SLC35B3: variants seen among roughly 807,000 people sequenced by gnomAD.
SLC35B3 encodes adenosine 3'-phospho 5'-phosphosulfate transporter 2.
Under a neutral mutation model 44.1 loss-of-function variants are expected in SLC35B3, and 35 were observed. That is an observed-to-expected ratio of 0.79 (90% confidence interval 0.61 to 1.05). The LOEUF (loss-of-function observed/expected upper bound fraction) is 1.05. Ranked by LOEUF, SLC35B3 falls within the 50% of genes least tolerant of loss-of-function variation. SLC35B3 has a pLI of 0.00. For synonymous variants in SLC35B3, 146 were observed against 167.3 expected (o/e 0.87, Z 0.98); for missense variants, 414 against 476.4 (o/e 0.87, Z 1.22).
rs945853084 is a variant in SLC35B3 at position 8,435,531 on chromosome 6, C to G, written c.-232G>C. 2.1e-6 allele frequency: 1 copy of G among 479,492 alleles called. No individual in the cohort carries two copies. Among genetic ancestry groups the G allele is most frequent in the Admixed American group, 3.3e-5 (1 of 30,548 alleles). 29.7% of individuals were successfully genotyped at this position (479,492 alleles called of 1,614,324 possible). A position where few individuals can be genotyped will look rare whatever the true frequency, so the allele number is the denominator to read the frequency against. Reference sequence around the variant, plus strand: ...ACTCTCAACTCCGGCGCCCGCAGGCCACTTCCGCCTATGTGTCCCTGCGCG... The same window carrying G: ...ACTCTCAACTCCGGCGCCCGCAGGCGACTTCCGCCTATGTGTCCCTGCGCG... On this transcript the variant is annotated 5_prime_UTR_variant, in exon 1 of 11. Coordinates refer to ENST00000644923, the MANE Select transcript of SLC35B3 (RefSeq NM_001370476.2). The surrounding 1 kb of genome is among the most constrained non-coding windows in gnomAD (Gnocchi z 5.5).
At chr6:8,417,775 T>A (rs1474854264) in intron 7 of SLC35B3, among the ~76,000 whole-genome samples, 1 of 140,414 alleles carries the variant, frequency 7.1e-6, no homozygotes, top group Non-Finnish European at 1.5e-5. Flanking sequence ...ATCAACCAGA[T>A]TTTCATATTA....
intron 7 of SLC35B3, 105 bp from the exon 7 acceptor site, chr6:8,417,599 T>C (rs1762533880): frequency 1.7e-6 from 1 of 587,672 alleles, no homozygotes; most frequent in Non-Finnish European, 2.9e-6. Flanking sequence ...ACAAACATTT[T>C]AAAAGAAACA....
At chr6:8,418,914 A>T (rs951311591) in intron 7 of SLC35B3, 1 of 183,662 alleles carries the variant, frequency 5.4e-6, no homozygotes, top group African/African-American at 2.4e-5. Flanking sequence ...AATGGTAGCT[A>T]GTCCTAACAG....
intron 10 of SLC35B3, among the ~76,000 whole-genome samples, chr6:8,414,108 T>C (rs3823108): frequency 0.071 from 10,847 of 152,072 alleles, 415 homozygotes; most frequent in Middle Eastern, 0.11. Flanking sequence ...TATAAAGGAA[T>C]AAAAAGAGAA....
chr6:8,429,949 T>C lies in SLC35B3; in HGVS notation c.212A>G (p.Asn71Ser). ...AGTAAGTTTGTTAAACTTGCTGAGA[T>C]TCATGCCAAGTACCACAACGTCGTC... The change falls in exon 3 of 11, where the codon AAT becomes AGT. Residue 71 changes from asparagine to serine, a missense_variant. Asn to Ser is a conservative substitution (Grantham distance 46). Coordinates refer to ENST00000644923, the MANE Select transcript of SLC35B3 (RefSeq NM_001370476.2). The C allele has an allele frequency of 1.2e-6, 2 of 1,612,162 alleles. No homozygotes were observed. The highest frequency in any genetic ancestry group is 1.3e-5 in the African/African-American group (1 of 74,968).
At chr6:8,414,398 C>T (rs1190787840) in intron 10 of SLC35B3, among the ~76,000 whole-genome samples, 2 of 152,092 alleles carry the variant, frequency 1.3e-5, no homozygotes, top group Non-Finnish European at 2.9e-5. Context: ...CTTTCACACA[C>T]ACAAAAAATA....
In SLC35B3 at chr6:8,432,616, C is replaced by T. The variant is rs1384935376; in HGVS notation, c.3+1769G>A. Among the ~76,000 whole-genome samples, 1 of 152,096 alleles carries T rather than the reference C, an allele frequency of 6.6e-6. No homozygotes were observed. Among genetic ancestry groups the T allele is most frequent in the Non-Finnish European group, 1.5e-5 (1 of 68,024 alleles). ...GAGGAGCCTTGGGCAAATCGTTTAACTTTTCTGAGCTTTAGGTTCTGCACC... is the reference window on the plus strand; with the variant it reads ...GAGGAGCCTTGGGCAAATCGTTTAATTTTTCTGAGCTTTAGGTTCTGCACC... On this transcript the variant is annotated intron_variant, in intron 2 of 10. Coordinates refer to ENST00000644923, the MANE Select transcript of SLC35B3 (RefSeq NM_001370476.2). This position sits in a 1 kb window ranked among gnomAD's most constrained non-coding sequence, Gnocchi z 4.8.
rs543154051 is a variant in SLC35B3 at position 8,422,835 on chromosome 6, T to A, written c.420-211A>T. ...TAACAATTTACCTTTATTTAGTCAA[T>A]CATAAACGAGGCCACTCAATTATGT... On this transcript the variant is annotated intron_variant, in intron 4 of 10. Coordinates refer to ENST00000644923, the MANE Select transcript of SLC35B3 (RefSeq NM_001370476.2). 1.5e-4 allele frequency among the ~76,000 whole-genome samples: 23 copies of A among 152,122 alleles called. No homozygotes were observed. In the East Asian group the frequency reaches 3.9e-3, roughly 25 times the overall value.
rs769345087 is a variant in SLC35B3, at chr6:8,416,884, C to A, written c.985G>T (p.Val329Leu). 2 of 1,480,498 alleles carry A rather than the reference C, an allele frequency of 1.4e-6. No homozygotes were observed. Among genetic ancestry groups the A allele is most frequent in the Non-Finnish European group, 1.9e-6 (2 of 1,076,614 alleles). 91.7% of individuals were successfully genotyped at this position (1,480,498 alleles called of 1,614,324 possible). The change falls in exon 9 of 11, where the codon GTG (valine) becomes TTG (leucine). Residue 329 changes from valine (V) to leucine (L), a missense_variant and splice_region_variant. Transcript: ENST00000644923. The stretch of plus-strand genomic sequence containing the variant: ...ATCAAAGCAAGTAAATCCCTCCTAC[C>A]TGTTACAGCAATAAGTGCACCAAAA...
intron 4 of SLC35B3, among the ~76,000 whole-genome samples, chr6:8,425,569 C>G (rs985872084): frequency 6.6e-6 from 1 of 151,550 alleles, no homozygotes; most frequent in Non-Finnish European, 1.5e-5. Context: ...AATTTATTGG[C>G]AATAAAGACA....
chr6:8,423,760 G>A (rs527370267), intron 4 of SLC35B3, among the ~76,000 whole-genome samples: 37 of 152,218 alleles, frequency 2.4e-4, no homozygotes, highest in Non-Finnish European at 4.6e-4. Flanking sequence ...ATTTACATTC[G>A]ATTCTGAGGG....
In SLC35B3 at chr6:8,429,900, T is replaced by G. The variant is rs149595280; in HGVS notation, c.261A>C (p.Gly87=). The change falls in exon 3 of 11, where the codon GGA becomes GGC. Residue 87 remains glycine, a synonymous_variant. Transcript: ENST00000644923. The stretch of plus-strand genomic sequence containing the variant: ...CATAAATTAGGTAAAATACAAAAAC[T>G]CCAGCAACACATATGAAAAACTGAG... 1,496 of 1,604,376 alleles carry G rather than the reference T, an allele frequency of 9.3e-4. 2 individuals are homozygous for G. The highest frequency in any genetic ancestry group is 1.1e-3 in the Non-Finnish European group (1,349 of 1,174,376).
At chr6:8,417,028 GTA>G (rs1421566769) in intron 8 of SLC35B3, 33 bp from the exon 8 acceptor site, 1 of 1,218,658 alleles carries the variant, frequency 8.2e-7, no homozygotes, top group Non-Finnish European at 1.2e-6. Flanking sequence ...TTAGAAAAAT[GTA>G]AAACAAACTC....
Position 8,413,292 on chromosome 6 carries a change from C to A in SLC35B3, c.*257G>T. On this transcript the variant is annotated 3_prime_UTR_variant, in exon 11 of 11. Transcript: ENST00000644923. ...CATTTCCAGTGAAATTCTCAATAAA[C>A]TGCTAGGAATTACAGTCCTTCATAT... 1 of 328,922 alleles carries A rather than the reference C, an allele frequency of 3.0e-6. No homozygotes were observed. The allele number at this position is 328,922 out of a possible 1,614,324, so 20.4% of individuals were successfully genotyped here. A position where few individuals can be genotyped will look rare whatever the true frequency, so the allele number is the denominator to read the frequency against.
rs1764266629 is a variant in SLC35B3 at position 8,434,254 on chromosome 6, T to C, written c.3+131A>G. The C allele has an allele frequency of 3.8e-6, 3 of 795,566 alleles. No individual in the cohort carries two copies. Among genetic ancestry groups the C allele is most frequent in the Admixed American group, 2.1e-5 (1 of 46,864 alleles). 49.3% of individuals were successfully genotyped at this position (795,566 alleles called of 1,614,324 possible). A position where few individuals can be genotyped will look rare whatever the true frequency, so the allele number is the denominator to read the frequency against. Reference sequence around the variant, plus strand: ...CAGTTTATTTTTGAGTTTTCCGACCTGAAGGACAAAAGTCCCACACCAAAA... The same window carrying C: ...CAGTTTATTTTTGAGTTTTCCGACCCGAAGGACAAAAGTCCCACACCAAAA... On this transcript the variant is annotated intron_variant, in intron 2 of 10. Coordinates refer to ENST00000644923, the MANE Select transcript of SLC35B3 (RefSeq NM_001370476.2). The surrounding 1 kb of genome is among the most constrained non-coding windows in gnomAD (Gnocchi z 6.3).
At position 8,428,981 on chromosome 6, in the gene SLC35B3, C is replaced by T. The variant is rs563811935; in HGVS notation, c.297+883G>A. ...CAATTCCATGTTCACTTACATTTCC[C>T]TTGATGATCATCTCTACAAGACAAT... On this transcript the variant is annotated intron_variant, in intron 3 of 10. Coordinates refer to ENST00000644923, the MANE Select transcript of SLC35B3 (RefSeq NM_001370476.2). Among the ~76,000 whole-genome samples the T allele has an allele frequency of 1.2e-4, 19 of 152,160 alleles. 1 individual carries two copies. The highest frequency in any genetic ancestry group is 4.6e-4 in the African/African-American group (19 of 41,538).
At chr6:8,414,132 A>G (rs1489815211) in intron 10 of SLC35B3, among the ~76,000 whole-genome samples, 1 of 152,186 alleles carries the variant, frequency 6.6e-6, no homozygotes, top group Non-Finnish European at 1.5e-5. Context: ...TCCCTGAGAA[A>G]GTAGGGGAAT....
chr6:8,419,541 A>ATT lies in SLC35B3; in HGVS notation c.780+38_780+39insAA. ...AAATTACGTGTATCACCATTTTTTA[A>ATT]ATCTGTCTAATTTGAAGAAAAAACA... On this transcript the variant is annotated intron_variant, in intron 7 of 10. Transcript: ENST00000644923. The surrounding 1 kb of genome is among the most constrained non-coding windows in gnomAD (Gnocchi z 4.3). 9.4e-7 allele frequency: 1 copy of ATT among 1,068,252 alleles called. No homozygotes were observed. The highest frequency in any genetic ancestry group is 1.7e-5 in the South Asian group (1 of 60,354). The allele number at this position is 1,068,252 out of a possible 1,614,324, so 66.2% of individuals were successfully genotyped here.
At chr6:8,426,842 G>C (rs759980780) in intron 4 of SLC35B3, among the ~76,000 whole-genome samples, 9 of 152,198 alleles carry the variant, frequency 5.9e-5, no homozygotes, top group Non-Finnish European at 1.2e-4. Flanking sequence ...GAACCACCTA[G>C]AGACTTGTTG....
Sources: allele counts gnomAD v4.1 joint callset (sites outside exome capture counted in the v4.1 genomes callset), GRCh38; gene constraint gnomAD v4.1.1; non-coding constraint Gnocchi (gnomAD v3.1); transcripts MANE v1.5; gene names NCBI Gene and HGNC (gene_info 2026-07-23, HGNC 2026-07-21).